The following POLR1H variants were observed in gnomAD, a reference collection of about 807,000 sequenced individuals.
The protein encoded by POLR1H is DNA-directed RNA polymerase I subunit RPA12.
Under a neutral mutation model 15.8 loss-of-function variants are expected in POLR1H, and 5 were observed. The observed-to-expected ratio is 0.32, with a 90% CI of 0.17 to 0.67. POLR1H has a LOEUF of 0.67. Ranked by LOEUF, POLR1H falls within the 30% of genes least tolerant of loss-of-function variation. The pLI, the probability that POLR1H is intolerant of heterozygous loss-of-function variation, is 0.74. For missense variants in POLR1H, 100 were observed against 163.4 expected (o/e 0.61, Z 2.11); for synonymous variants, 43 against 58.3 (o/e 0.74, Z 1.20).
At chr6:30,061,153 T>A (rs989276476), upstream of POLR1H, 1 of 195,574 alleles carries the variant, frequency 5.1e-6, no homozygotes, top group African/African-American at 2.3e-5. This position sits in a 1 kb window ranked among gnomAD's most constrained non-coding sequence, Gnocchi z 5.0. Context: ...TTAGTCTCCA[T>A]CTCTAACGCT....
Position 30,063,678 on chromosome 6 carries a change from C to T in POLR1H, c.357-995C>T, listed in dbSNP as rs897906172. Among the ~76,000 whole-genome samples, 18 of 152,022 alleles carry T rather than the reference C, an allele frequency of 1.2e-4. No individual in the cohort carries two copies. The East Asian group carries it at 2.5e-3, about 21-fold the overall frequency. On this transcript the variant is annotated intron_variant, in intron 3 of 3. Coordinates refer to ENST00000332435, the MANE Select transcript of POLR1H (RefSeq NM_170783.4). The surrounding 1 kb of genome is among the most constrained non-coding windows in gnomAD (Gnocchi z 4.1). ...GTTTTGTGATTTTTGACTATAAATT[C>T]GAGTTTTTTAGAACTTGAACTGTAG...
rs981930756 is a variant in POLR1H at position 30,063,396 on chromosome 6, A to C, written c.356+1063A>C. Among the ~76,000 whole-genome samples, 2 of 151,602 alleles carry C rather than the reference A, an allele frequency of 1.3e-5. No homozygotes were observed. Among genetic ancestry groups the C allele is most frequent in the African/African-American group, 4.8e-5 (2 of 41,286 alleles). On this transcript the variant is annotated intron_variant, in intron 3 of 3. Coordinates refer to ENST00000332435, the MANE Select transcript of POLR1H (RefSeq NM_170783.4). This position sits in a 1 kb window ranked among gnomAD's most constrained non-coding sequence, Gnocchi z 4.1. ...CTAATTCTGTCTTCAGTTTATTTCA[A>C]GTATTATTATTTTTTACTATTGTTA...
rs1229894688 is a variant in POLR1H at position 30,061,560 on chromosome 6, C to CT, written c.39dup (p.Gln14SerfsTer38). 1 of 1,613,148 alleles carries CT rather than the reference C, an allele frequency of 6.2e-7. No individual in the cohort carries two copies. The highest frequency in any genetic ancestry group is 8.5e-7 in the Non-Finnish European group (1 of 1,180,052). ...TGGACCTCGCCAATACTTGCTCCAG[C>CT]TTTCAGTCGGACCTGGATTTCTGTT... is the stretch of plus-strand genomic sequence containing the variant. On this transcript the variant is annotated frameshift_variant, in exon 1 of 4. Coordinates refer to ENST00000332435, the MANE Select transcript of POLR1H (RefSeq NM_170783.4). LOFTEE classifies it high-confidence loss of function. This position sits in a 1 kb window ranked among gnomAD's most constrained non-coding sequence, Gnocchi z 5.0.
rs1303532596 is a variant in POLR1H at position 30,061,453 on chromosome 6, T to TA, written c.-71dup. 1.9e-6 allele frequency: 3 copies of TA among 1,563,744 alleles called. No homozygotes were observed. The highest frequency in any genetic ancestry group is 1.4e-5 in the African/African-American group (1 of 73,970). On this transcript the variant is annotated 5_prime_UTR_variant, in exon 1 of 4. Coordinates refer to ENST00000332435, the MANE Select transcript of POLR1H (RefSeq NM_170783.4). The surrounding 1 kb of genome is among the most constrained non-coding windows in gnomAD (Gnocchi z 5.0). ...CTCCTAGGTCCTGGGACAGAATAGT[T>TA]ACGACCTCTGGGACAGGAACTCTTC...
rs2127291486 is a variant in POLR1H at position 30,062,265 on chromosome 6, A to T, written c.288A>T (p.Ala96=). ...CTCGATGTGGTCATGAAGGAATGGC[A>T]TACCACACCAGACAGATGCGTTCAG... ...RCPRCGHEGM[A]YHTRQMRSAD... Residue 96 remains alanine (A), a synonymous_variant, in exon 3 of 4, where the codon GCA becomes GCT. Transcript: ENST00000332435. 1 of 1,613,096 alleles carries T rather than the reference A, an allele frequency of 6.2e-7. No individual in the cohort carries two copies. Among genetic ancestry groups the T allele is most frequent in the African/African-American group, 1.3e-5 (1 of 75,062 alleles).
rs9280879 is a variant in POLR1H, at chr6:30,063,151, CT to C, written c.356+826del. Reference sequence around the variant, plus strand: ...TGGACTTTCTGAAACTGAGAGTGGACTTTTTTTTCATCAACCTTGGAAAATT... The same window carrying C: ...TGGACTTTCTGAAACTGAGAGTGGACTTTTTTTCATCAACCTTGGAAAATT... On this transcript the variant is annotated intron_variant, in intron 3 of 3. Transcript: ENST00000332435. This position sits in a 1 kb window ranked among gnomAD's most constrained non-coding sequence, Gnocchi z 4.1. Among the ~76,000 whole-genome samples the C allele has an allele frequency of 5.3e-5, 8 of 151,748 alleles. No homozygotes were observed. Among genetic ancestry groups the C allele is most frequent in the Non-Finnish European group, 1.0e-4 (7 of 67,926 alleles).
chr6:30,062,108 A>G (rs1765127329), intron 2 of POLR1H, 91 bp downstream of exon 2: 3 of 1,467,710 alleles, frequency 2.0e-6, no homozygotes, highest in African/African-American at 1.4e-5. Flanking sequence ...TTTGTGCCCA[A>G]TTCCAAGAGG....
At position 30,061,808 on chromosome 6, in the gene POLR1H, A is replaced by G; in HGVS notation, c.146-109A>G. On this transcript the variant is annotated intron_variant, in intron 1 of 3. Coordinates refer to ENST00000332435, the MANE Select transcript of POLR1H (RefSeq NM_170783.4). The surrounding 1 kb of genome is among the most constrained non-coding windows in gnomAD (Gnocchi z 5.0). ...ACATTTGGTCTAGCGATGAAAACTG[A>G]GGGAAAGGATGTAGGGCCTCCTGGC... 1 of 1,550,896 alleles carries G rather than the reference A, an allele frequency of 6.4e-7. No individual in the cohort carries two copies. Among genetic ancestry groups the G allele is most frequent in the East Asian group, 2.2e-5 (1 of 44,464 alleles).
chr6:30,064,390 AAGTTTTT>A (rs1044800804), intron 3 of POLR1H, among the ~76,000 whole-genome samples: 22 of 151,204 alleles, frequency 1.5e-4, no homozygotes, highest in Non-Finnish European at 3.1e-4. Context: ...CAGAAGTTTT[AAGTTTTT>A]ATAAGGTTCA....
chr6:30,062,247 T>C lies in POLR1H; in HGVS notation c.270T>C (p.Cys90=). Residue 90 remains cysteine, a synonymous_variant, in exon 3 of 4, where the codon TGT becomes TGC. Transcript: ENST00000332435. ...GPVVDRRCPR[C]GHEGMAYHTR... Reference sequence around the variant, plus strand: ...AGGTTGACAGGCGCTGCCCTCGATGTGGTCATGAAGGAATGGCATACCACA... The same window carrying C: ...AGGTTGACAGGCGCTGCCCTCGATGCGGTCATGAAGGAATGGCATACCACA... 1 of 1,612,982 alleles carries C rather than the reference T, an allele frequency of 6.2e-7. No homozygotes were observed. The highest frequency in any genetic ancestry group is 1.3e-5 in the African/African-American group (1 of 75,014).
In POLR1H at chr6:30,061,528, T is replaced by A; in HGVS notation, c.4T>A (p.Ser2Thr). The A allele has an allele frequency of 6.2e-7, 1 of 1,613,046 alleles. No individual in the cohort carries two copies. The highest frequency in any genetic ancestry group is 8.5e-7 in the Non-Finnish European group (1 of 1,179,994). The change falls in exon 1 of 4, where the codon TCT becomes ACT. Residue 2 changes from serine (S) to threonine (T), a missense_variant. Physicochemically the swap from Ser to Thr is moderately conservative, Grantham distance 58. Transcript: ENST00000332435. The surrounding 1 kb of genome is among the most constrained non-coding windows in gnomAD (Gnocchi z 5.0). ...CTCCCTCCTCAGACCCGACCGCATG[T>A]CTGTCATGGACCTCGCCAATACTTG... The part of the protein sequence containing the change: M[S>T]VMDLANTCSS...
chr6:30,062,044 T>A (rs1036858587), intron 2 of POLR1H, 27 bp downstream of exon 2: 2 of 1,598,862 alleles, frequency 1.3e-6, no homozygotes, highest in Non-Finnish European at 1.7e-6. Flanking sequence ...AAGAACTGGC[T>A]CCATAAGGTG....
In POLR1H at chr6:30,061,547, A is replaced by G. The variant is rs1418135029; in HGVS notation, c.23A>G (p.Asn8Ser). The stretch of plus-strand genomic sequence containing the variant: ...CGCATGTCTGTCATGGACCTCGCCA[A>G]TACTTGCTCCAGCTTTCAGTCGGAC... MSVMDLA[N>S]TCSSFQSDLD... Residue 8 changes from asparagine to serine, a missense_variant, in exon 1 of 4, where the codon AAT becomes AGT. Asn to Ser is a conservative substitution (Grantham distance 46). Transcript: ENST00000332435. This position sits in a 1 kb window ranked among gnomAD's most constrained non-coding sequence, Gnocchi z 5.0. 1.9e-6 allele frequency: 3 copies of G among 1,612,978 alleles called. No homozygotes were observed. The highest frequency in any genetic ancestry group is 1.3e-5 in the African/African-American group (1 of 74,926).
rs1236460408 is a variant in POLR1H at position 30,063,706 on chromosome 6, A to G, written c.357-967A>G. ...GTTTTTTAGAACTTGAACTGTAGGA[A>G]TTCTTTGAGGCCTTGGGCGAGTGCT... On this transcript the variant is annotated intron_variant, in intron 3 of 3. Transcript: ENST00000332435. The surrounding 1 kb of genome is among the most constrained non-coding windows in gnomAD (Gnocchi z 4.1). 6.6e-6 allele frequency among the ~76,000 whole-genome samples: 1 copy of G among 152,016 alleles called. No homozygotes were observed. The highest frequency in any genetic ancestry group is 2.4e-5 in the African/African-American group (1 of 41,386).
upstream of POLR1H, chr6:30,061,246 G>T (rs1431076072): frequency 2.6e-6 from 1 of 377,684 alleles, no homozygotes; most frequent in Non-Finnish European, 4.8e-6. This position sits in a 1 kb window ranked among gnomAD's most constrained non-coding sequence, Gnocchi z 5.0. Context: ...GCTCTATCTC[G>T]CTGCCCCGCC....
At chr6:30,062,714 C>CCTTT (rs749507630) in intron 3 of POLR1H, among the ~76,000 whole-genome samples, 1,283 of 42,414 alleles carry the variant, frequency 0.03, 148 homozygotes, top group African/African-American at 0.097. Flanking sequence ...CCACGCCTGG[C>CCTTT]TTTTTTTTTT....
rs1765031451 is a variant in POLR1H, at chr6:30,061,328, A to G, written c.-197A>G. ...CTCACCGGCCCCTGGAAAGGGTTCC[A>G]AGTCCTTTAGTACCCGACGCTGTCT... On this transcript the variant is annotated 5_prime_UTR_variant, in exon 1 of 4. Transcript: ENST00000332435. This position sits in a 1 kb window ranked among gnomAD's most constrained non-coding sequence, Gnocchi z 5.0. 3.5e-6 allele frequency: 2 copies of G among 572,116 alleles called. No individual in the cohort carries two copies. Among genetic ancestry groups the G allele is most frequent in the Non-Finnish European group, 6.0e-6 (2 of 334,620 alleles). 35.4% of individuals were successfully genotyped at this position (572,116 alleles called of 1,614,324 possible). A position where few individuals can be genotyped will look rare whatever the true frequency, so the allele number is the denominator to read the frequency against.
chr6:30,062,365 CTGTT>C (rs1561962566), intron 3 of POLR1H, 32 bp downstream of exon 3: 1 of 1,443,664 alleles, frequency 6.9e-7, no homozygotes, highest in East Asian at 2.3e-5. Context: ...TCTGCTCAGT[CTGTT>C]TGCTAACTAA....
Position 30,062,016 on chromosome 6 carries a change from T to G in POLR1H, c.245T>G (p.Val82Gly). The change falls in exon 2 of 4, where the codon GTG becomes GGG. Residue 82 changes from valine to glycine, a missense_variant and splice_region_variant. This residue lies in a region of POLR1H where 87 missense variants were observed against 119.8 expected (regional missense o/e 0.73). Coordinates refer to ENST00000332435, the MANE Select transcript of POLR1H (RefSeq NM_170783.4). Reference protein sequence around the residue: ...VEEGPECQGPVVDRRCPRCGH... With the variant: ...VEEGPECQGPGVDRRCPRCGH... ...GAAGGGCCTGAGTGCCAGGGACCTG[T>G]GGTAAGCTAATGAGATCAAGAACTG... The G allele has an allele frequency of 6.2e-7, 1 of 1,612,810 alleles. No individual in the cohort carries two copies. Among genetic ancestry groups the G allele is most frequent in the Non-Finnish European group, 8.5e-7 (1 of 1,179,816 alleles).
Sources: allele counts gnomAD v4.1 joint callset (sites outside exome capture counted in the v4.1 genomes callset), GRCh38; gene constraint gnomAD v4.1.1; regional missense constraint gnomAD v4.1.1; non-coding constraint Gnocchi (gnomAD v3.1); transcripts MANE v1.5; gene names NCBI Gene and HGNC (gene_info 2026-07-23, HGNC 2026-07-21).